KLF12: variants seen among roughly 807,000 people sequenced by gnomAD.
KLF12 encodes Krueppel-like factor 12.
In KLF12, 9 loss-of-function variants were observed where a neutral mutation model predicts 37.8. The observed-to-expected ratio is 0.24, with a 90% CI of 0.14 to 0.42. The LOEUF (loss-of-function observed/expected upper bound fraction) is 0.42, where lower values mean the gene tolerates loss of function less well. Among genes scored for constraint, KLF12 ranks in the 10% least tolerant of loss-of-function variants. The pLI, the probability that KLF12 is intolerant of heterozygous loss-of-function variation, is 1.00. For synonymous variants in KLF12, 208 were observed against 202.1 expected, an observed-to-expected ratio of 1.03 and a Z score of -0.25; for missense variants, 411 against 516.0, an observed-to-expected ratio of 0.80 and a Z score of 1.97.
intron 5 of KLF12, among the ~76,000 whole-genome samples, chr13:73,778,382 C>A (rs920432561): frequency 6.6e-6 from 1 of 152,070 alleles, no homozygotes; most frequent in African/African-American, 2.4e-5. Flanking sequence ...GGGTCTCCCT[C>A]TGTATGACTC....
intron 1 of KLF12, among the ~76,000 whole-genome samples, chr13:74,059,139 A>G (rs1446576885): frequency 6.6e-6 from 1 of 152,252 alleles, no homozygotes; most frequent in Admixed American, 6.5e-5. Context: ...TTATGGCTGC[A>G]TAGTATTTCA....
chr13:73,745,755 C>G (rs11840016), intron 6 of KLF12, among the ~76,000 whole-genome samples: 13,796 of 152,116 alleles, frequency 0.091, 721 homozygotes, highest in South Asian at 0.17. Flanking sequence ...TAACACCAAG[C>G]AAAAATAGCA....
chr13:74,278,873 A>G, the KLF12 span, among the ~76,000 whole-genome samples: 1 of 152,200 alleles, frequency 6.6e-6, no homozygotes, highest in East Asian at 1.9e-4. Context: ...TGTTAAGAAC[A>G]CTAATTAAGG....
At chr13:73,762,666 T>C (rs1270021154) in intron 6 of KLF12, among the ~76,000 whole-genome samples, 1 of 152,164 alleles carries the variant, frequency 6.6e-6, no homozygotes, top group Non-Finnish European at 1.5e-5. Flanking sequence ...GAACTTGACA[T>C]GTAATCCTAC....
intron 1 of KLF12, among the ~76,000 whole-genome samples, chr13:74,127,600 T>C (rs573974544): frequency 1.3e-5 from 2 of 152,358 alleles, no homozygotes; most frequent in South Asian, 2.1e-4. Context: ...ATTGAAGAGA[T>C]AGTTTGAGTT....
At chr13:73,729,029 A>G (rs1026598629) in intron 6 of KLF12, among the ~76,000 whole-genome samples, 2 of 152,196 alleles carry the variant, frequency 1.3e-5, no homozygotes, top group Non-Finnish European at 2.9e-5. Flanking sequence ...TGATATTTGT[A>G]ACCTCAGTTC....
At chr13:73,882,195 T>C (rs1299291956) in intron 3 of KLF12, among the ~76,000 whole-genome samples, 1 of 152,184 alleles carries the variant, frequency 6.6e-6, no homozygotes. Flanking sequence ...TGGCTGGCAC[T>C]TGAAATACTA....
the KLF12 span, among the ~76,000 whole-genome samples, chr13:74,281,421 A>C: frequency 1.3e-5 from 2 of 152,210 alleles, no homozygotes; most frequent in African/African-American, 4.8e-5. Context: ...ATAAGTGTGG[A>C]TGCAAGGCAT....
intron 2 of KLF12, among the ~76,000 whole-genome samples, chr13:73,979,181 C>G (rs920020145): frequency 6.6e-6 from 1 of 152,034 alleles, no homozygotes; most frequent in Non-Finnish European, 1.5e-5. Flanking sequence ...GATAATGATA[C>G]CTCAAGGTAG....
At chr13:73,895,884 G>C (rs575057688) in intron 3 of KLF12, among the ~76,000 whole-genome samples, 6 of 150,948 alleles carry the variant, frequency 4.0e-5, no homozygotes, top group African/African-American at 1.5e-4. Context: ...GCAGTGGAGT[G>C]ATCTGGGCTC....
chr13:73,856,641 A>T (rs770717268), intron 3 of KLF12, among the ~76,000 whole-genome samples: 3 of 152,056 alleles, frequency 2.0e-5, no homozygotes, highest in African/African-American at 4.8e-5. Flanking sequence ...ACTCAACTTT[A>T]AAAAATAAGG....
At chr13:73,725,142 C>A (rs111628285) in intron 6 of KLF12, among the ~76,000 whole-genome samples, 11,092 of 152,086 alleles carry the variant, frequency 0.073, 691 homozygotes, top group African/African-American at 0.17. Flanking sequence ...TGCTCTGTTG[C>A]CAAGCTGGAG....
At chr13:73,764,701 A>C (rs1015996499) in intron 6 of KLF12, among the ~76,000 whole-genome samples, 1 of 152,062 alleles carries the variant, frequency 6.6e-6, no homozygotes, top group South Asian at 2.1e-4. Flanking sequence ...AACTTAGATC[A>C]TATCTGTCAA....
intron 1 of KLF12, among the ~76,000 whole-genome samples, chr13:74,086,442 A>G (rs1032994404): frequency 6.6e-6 from 1 of 152,240 alleles, no homozygotes; most frequent in South Asian, 2.1e-4. Context: ...TACAAAGGAC[A>G]TGAACTCATC....
At chr13:73,994,595 T>A (rs2138268320) in intron 2 of KLF12, among the ~76,000 whole-genome samples, 1 of 152,148 alleles carries the variant, frequency 6.6e-6, no homozygotes, top group Admixed American at 6.5e-5. Context: ...TTGACAGCAA[T>A]CATGCACCAT....
intron 5 of KLF12, among the ~76,000 whole-genome samples, chr13:73,772,124 C>T (rs1010962303): frequency 1.3e-5 from 2 of 149,582 alleles, no homozygotes; most frequent in Non-Finnish European, 3.0e-5. Flanking sequence ...AGCCTTTCTT[C>T]TATTGCTCAG....
At chr13:73,841,824 T>G (rs1019240187) in intron 4 of KLF12, among the ~76,000 whole-genome samples, 6 of 152,188 alleles carry the variant, frequency 3.9e-5, no homozygotes, top group Non-Finnish European at 7.4e-5. Context: ...GGCTAACTGC[T>G]ACTTGTCCTT....
At chr13:74,191,103 A>C in the KLF12 span, among the ~76,000 whole-genome samples, 1 of 152,206 alleles carries the variant, frequency 6.6e-6, no homozygotes, top group South Asian at 2.1e-4. Flanking sequence ...CAGGTCAGCA[A>C]TCATTTTAGC....
intron 1 of KLF12, among the ~76,000 whole-genome samples, chr13:74,077,152 G>A (rs1389641136): frequency 1.3e-5 from 2 of 152,046 alleles, no homozygotes; most frequent in Non-Finnish European, 2.9e-5. Context: ...ATTCCTCTGG[G>A]TATATATAAC....
Sources: gnomAD v4.1 joint callset for allele counts (sites outside exome capture counted in the v4.1 genomes callset) on GRCh38, gnomAD v4.1.1 for gene constraint, MANE v1.5 for transcripts, NCBI Gene and HGNC (gene_info 2026-07-23, HGNC 2026-07-21) for gene names.